Variants in BIK observed in about 807,000 individuals in gnomAD.
The protein encoded by BIK is BCL2 interacting killer.
A neutral mutation model predicts 12.1 loss-of-function variants in BIK; 14 were observed. The observed-to-expected ratio is 1.16, with a 90% CI of 0.77 to 1.81. BIK has a LOEUF of 1.81. BIK is among the 40% of genes most tolerant of loss of function. BIK has a pLI of 0.00. For missense variants in BIK, 215 were observed against 207.9 expected (o/e 1.03, Z -0.21); for synonymous variants, 86 against 92.3 (o/e 0.93, Z 0.39).
intron 2 of BIK, among the ~76,000 whole-genome samples, chr22:43,126,264 C>T (rs1028547994): frequency 6.6e-6 from 1 of 151,604 alleles, no homozygotes; most frequent in Non-Finnish European, 1.5e-5. Context: ...CTGCTCACCA[C>T]AAGCTCCACC....
At chr22:43,122,603 G>C (rs1569466439) in intron 1 of BIK, among the ~76,000 whole-genome samples, 1 of 152,146 alleles carries the variant, frequency 6.6e-6, no homozygotes. Flanking sequence ...GGTACATGAT[G>C]GTGAATCAGG....
chr22:43,123,610 C>T (rs980518275), intron 1 of BIK, among the ~76,000 whole-genome samples: 2 of 151,728 alleles, frequency 1.3e-5, no homozygotes, highest in African/African-American at 4.8e-5. Flanking sequence ...AATAATTAGC[C>T]AGGCATAGCT....
chr22:43,115,018 C>T (rs1402303895), intron 1 of BIK, among the ~76,000 whole-genome samples: 1 of 152,200 alleles, frequency 6.6e-6, no homozygotes, highest in Admixed American at 6.5e-5. Context: ...AGTGAACTCT[C>T]AGGCTGTCTG....
intron 4 of BIK, 50 bp downstream of exon 4, chr22:43,128,675 G>A (rs748454111): frequency 1.5e-5 from 23 of 1,561,774 alleles, no homozygotes; most frequent in Middle Eastern, 1.8e-4. Context: ...GCCAGTGGGG[G>A]CTGTCAGAGC....
At chr22:43,116,907 T>G (rs1421881070) in intron 1 of BIK, among the ~76,000 whole-genome samples, 1 of 152,126 alleles carries the variant, frequency 6.6e-6, no homozygotes, top group East Asian at 1.9e-4. Context: ...GCCACTGCAC[T>G]CCAGCCTGGG....
rs746733873 is a variant in BIK at position 43,127,688 on chromosome 22, TCCCTGCAGTGACGCATTGG to T, written c.162-2_178del. 22 of 1,550,384 alleles carry T rather than the reference TCCCTGCAGTGACGCATTGG, an allele frequency of 1.4e-5. 1 individual carries two copies. The South Asian group carries it at 2.5e-4, about 18-fold the overall frequency. Reference sequence around the variant, plus strand: ...AGCCACACCCGACTCCTGTGTGTGCTCCCTGCAGTGACGCATTGGCCCTGCGGCTGGCCTGCATCGGGGA... The same window carrying T: ...AGCCACACCCGACTCCTGTGTGTGCTCCCTGCGGCTGGCCTGCATCGGGGA... On this transcript the variant is annotated splice_acceptor_variant and splice_polypyrimidine_tract_variant and coding_sequence_variant and intron_variant, in exon 3 of 5. Transcript: ENST00000216115. LOFTEE classifies it high-confidence loss of function.
At chr22:43,121,934 T>C (rs1210829737) in intron 1 of BIK, among the ~76,000 whole-genome samples, 2 of 152,364 alleles carry the variant, frequency 1.3e-5, no homozygotes, top group Middle Eastern at 6.8e-3. Context: ...TTTTACCATG[T>C]TGGCCAGGCT....
chr22:43,113,117 C>T (rs1930042812), intron 1 of BIK, among the ~76,000 whole-genome samples: 1 of 152,044 alleles, frequency 6.6e-6, no homozygotes, highest in Non-Finnish European at 1.5e-5. Flanking sequence ...GGCAGGAGAA[C>T]TGCTTGAATC....
chr22:43,128,857 A>T (rs1930377292), intron 4 of BIK, among the ~76,000 whole-genome samples: 1 of 152,192 alleles, frequency 6.6e-6, no homozygotes, highest in South Asian at 2.1e-4. Context: ...CCTGGCAGGC[A>T]GGACTCCCGT....
intron 1 of BIK, among the ~76,000 whole-genome samples, 163 bp from the exon 2 acceptor site, chr22:43,123,853 C>T (rs1279941089): frequency 2.0e-5 from 3 of 152,110 alleles, no homozygotes; most frequent in Non-Finnish European, 4.4e-5. Flanking sequence ...CAGCATGTAG[C>T]AGGATTCATG....
In BIK at chr22:43,129,257, G is replaced by GGGGGC; in HGVS notation, c.435_436insGGGGC (p.Leu146GlyfsTer56). 1 of 1,593,940 alleles carries GGGGGC rather than the reference G, an allele frequency of 6.3e-7. No individual in the cohort carries two copies. On this transcript the variant is annotated frameshift_variant, in exon 5 of 5. Transcript: ENST00000216115. LOFTEE classifies it high-confidence loss of function. ...TGCTGGCGCTGCTGCTGCTGCTGGC[G>GGGGGC]CTGCTGCTGCCGCTGCTCAGCGGGG...
At chr22:43,110,897 G>C (rs1282734886) in intron 1 of BIK, 94 bp downstream of exon 1, 2 of 152,084 alleles carry the variant, frequency 1.3e-5, no homozygotes, top group Non-Finnish European at 2.9e-5. Context: ...CGAGCGGCTG[G>C]AAGTGTGGGG....
In BIK at chr22:43,124,128, G is replaced by T. The variant is rs775206790; in HGVS notation, c.106G>T (p.Glu36Ter). 5 of 1,614,084 alleles carry T rather than the reference G, an allele frequency of 3.1e-6. No individual in the cohort carries two copies. The African/African-American group carries it at 5.3e-5, about 17-fold the overall frequency. The change falls in exon 2 of 5, where the codon GAA becomes TAA. Residue 36 changes from glutamate to a stop codon, truncating the protein, a stop_gained. Coordinates refer to ENST00000216115, the MANE Select transcript of BIK (RefSeq NM_001197.5). LOFTEE classifies it high-confidence loss of function. ...GGAGGTTCTTGGCATGACTGACTCT[G>T]AAGAGGACCTGGACCCTATGGAGGA... ...TMEVLGMTDS[E>*]EDLDPMEDFD...
Position 43,124,138 on chromosome 22 carries a change from T to C in BIK, c.116T>C (p.Leu39Pro). ...GGCATGACTGACTCTGAAGAGGACC[T>C]GGACCCTATGGAGGACTTCGATTCT... is the stretch of plus-strand genomic sequence containing the variant. ...VLGMTDSEED[L>P]DPMEDFDSLE... Residue 39 changes from leucine to proline, a missense_variant, in exon 2 of 5, where the codon CTG (leucine) becomes CCG (proline). Coordinates refer to ENST00000216115, the MANE Select transcript of BIK (RefSeq NM_001197.5). 1 of 1,614,192 alleles carries C rather than the reference T, an allele frequency of 6.2e-7. No individual in the cohort carries two copies. Among genetic ancestry groups the C allele is most frequent in the South Asian group, 1.1e-5 (1 of 91,084 alleles).
At chr22:43,128,065 C>A (rs1569468117) in intron 3 of BIK, among the ~76,000 whole-genome samples, 1 of 152,116 alleles carries the variant, frequency 6.6e-6, no homozygotes, top group Non-Finnish European at 1.5e-5. Flanking sequence ...CCTCATTGAG[C>A]CCAGATGGTA....
chr22:43,117,163 C>T (rs1411061446), intron 1 of BIK, among the ~76,000 whole-genome samples: 3 of 152,146 alleles, frequency 2.0e-5, no homozygotes, highest in Non-Finnish European at 4.4e-5. Flanking sequence ...CTTCAGTTTC[C>T]ACTGTGACGG....
At chr22:43,111,388 G>T (rs979079553) in intron 1 of BIK, among the ~76,000 whole-genome samples, 2 of 152,232 alleles carry the variant, frequency 1.3e-5, no homozygotes, top group Admixed American at 6.5e-5. Context: ...GCGCGCAGCC[G>T]CCCGCCCTCG....
At chr22:43,128,192 G>T (rs1930358689) in intron 3 of BIK, among the ~76,000 whole-genome samples, 1 of 152,090 alleles carries the variant, frequency 6.6e-6, no homozygotes, top group Non-Finnish European at 1.5e-5. Flanking sequence ...GCTTGTGAGG[G>T]CCCTGTAGAA....
At chr22:43,120,046 G>T (rs1601730231) in intron 1 of BIK, among the ~76,000 whole-genome samples, 1 of 107,988 alleles carries the variant, frequency 9.3e-6, no homozygotes, top group South Asian at 2.6e-4. Flanking sequence ...AGGTTGGCTG[G>T]TGAGCTCTGC....
Sources: allele counts gnomAD v4.1 joint callset (sites outside exome capture counted in the v4.1 genomes callset), GRCh38; gene constraint gnomAD v4.1.1; transcripts MANE v1.5; gene names NCBI Gene and HGNC (gene_info 2026-07-23, HGNC 2026-07-21).